The following SLC24A3 variants were observed in gnomAD, a reference collection of about 807,000 sequenced individuals.
The protein encoded by SLC24A3 is solute carrier family 24 member 3.
SLC24A3 carries 28 observed loss-of-function variants against 75.8 expected under a neutral mutation model. That is an observed-to-expected ratio of 0.37 (90% CI 0.27 to 0.51). SLC24A3 has a LOEUF of 0.51. Ranked by LOEUF, SLC24A3 falls within the 20% of genes least tolerant of loss-of-function variation. SLC24A3 has a pLI of 0.94. For missense variants in SLC24A3, 663 were observed against 847.8 expected (o/e 0.78, Z 2.71); for synonymous variants, 372 against 334.1 (o/e 1.11, Z -1.24).
At chr20:19,448,338 G>C (rs1053534869) in intron 2 of SLC24A3, among the ~76,000 whole-genome samples, 4 of 152,214 alleles carry the variant, frequency 2.6e-5, no homozygotes, top group Non-Finnish European at 5.9e-5. Context: ...TGCATACTCT[G>C]TCTTTTAATT....
rs2032836447 is a variant in SLC24A3 at position 19,698,506 on chromosome 20, A to G, written c.1607-62A>G. On this transcript the variant is annotated intron_variant, in intron 14 of 16. Coordinates refer to ENST00000328041, the MANE Select transcript of SLC24A3 (RefSeq NM_020689.4). ...CTGGCTGTGAGACTAAAGGCTTGGG[A>G]GAGTCCTGTGTGGGGCCCCTGGGTT... 5 of 1,193,824 alleles carry G rather than the reference A, an allele frequency of 4.2e-6. No homozygotes were observed. In the East Asian group the frequency reaches 1.3e-4, roughly 31 times the overall value. 74.0% of individuals were successfully genotyped at this position (1,193,824 alleles called of 1,614,324 possible). A position where few individuals can be genotyped will look rare whatever the true frequency, so the allele number is the denominator to read the frequency against.
At chr20:19,308,217 A>G (rs1984375958) in intron 2 of SLC24A3, among the ~76,000 whole-genome samples, 1 of 152,194 alleles carries the variant, frequency 6.6e-6, no homozygotes, top group Non-Finnish European at 1.5e-5. Flanking sequence ...CGGACTCATA[A>G]AGCAATGCTT....
chr20:19,423,793 C>T (rs890102625), intron 2 of SLC24A3, among the ~76,000 whole-genome samples: 5 of 152,124 alleles, frequency 3.3e-5, no homozygotes, highest in Non-Finnish European at 5.9e-5. Flanking sequence ...GGATTTGAAG[C>T]CAGGTCTTCC....
chr20:19,261,321 T>C (rs950031694), intron 1 of SLC24A3, among the ~76,000 whole-genome samples: 3 of 152,078 alleles, frequency 2.0e-5, no homozygotes, highest in Non-Finnish European at 4.4e-5. Context: ...GTGGTGAGCA[T>C]TCATTGTCCC....
intron 10 of SLC24A3, 143 bp downstream of exon 10, chr20:19,682,134 A>G: frequency 1.1e-6 from 1 of 939,404 alleles, no homozygotes; most frequent in Non-Finnish European, 1.6e-6. Flanking sequence ...CCAAGCCTGT[A>G]ATCCCAGCTG....
chr20:19,513,307 A>G (rs753142378), intron 2 of SLC24A3, among the ~76,000 whole-genome samples: 2 of 152,282 alleles, frequency 1.3e-5, no homozygotes, highest in Non-Finnish European at 2.9e-5. Context: ...CCCTTCTCCC[A>G]CTTTCCAGCC....
At chr20:19,693,087 C>A (rs1181494235) in intron 12 of SLC24A3, 172 bp from the exon 13 acceptor site, 3 of 668,470 alleles carry the variant, frequency 4.5e-6, no homozygotes, top group African/African-American at 1.8e-5. Flanking sequence ...TGTTGCATGT[C>A]AGGTTTCGTT....
chr20:19,637,542 T>C (rs1253085728), intron 6 of SLC24A3, among the ~76,000 whole-genome samples: 2 of 152,360 alleles, frequency 1.3e-5, no homozygotes, highest in Admixed American at 6.5e-5. Flanking sequence ...AAATATTATG[T>C]TCCTAGCACA....
intron 3 of SLC24A3, among the ~76,000 whole-genome samples, chr20:19,517,350 T>C (rs1373637282): frequency 6.6e-6 from 1 of 152,180 alleles, no homozygotes; most frequent in Non-Finnish European, 1.5e-5. Flanking sequence ...TGCAGCTGCA[T>C]GGTCCTTTCT....
chr20:19,641,131 C>T (rs1000704860), intron 6 of SLC24A3, among the ~76,000 whole-genome samples: 1 of 152,194 alleles, frequency 6.6e-6, no homozygotes, highest in African/African-American at 2.4e-5. Flanking sequence ...TGGCTTCTGC[C>T]TGTTCTCTTG....
At chr20:19,525,894 A>G (rs373991648) in intron 3 of SLC24A3, among the ~76,000 whole-genome samples, 2 of 152,070 alleles carry the variant, frequency 1.3e-5, no homozygotes, top group Non-Finnish European at 2.9e-5. Flanking sequence ...GAGGATTCAC[A>G]TGCCTCACGA....
At chr20:19,262,404 CAAAAAAAAAAAA>C (rs58691860) in intron 1 of SLC24A3, among the ~76,000 whole-genome samples, 1 of 75,756 alleles carries the variant, frequency 1.3e-5, no homozygotes, top group Non-Finnish European at 2.5e-5. Context: ...GACTCCGTCT[CAAAAAAAAAAAA>C]AAAAAAAAAA....
At chr20:19,218,677 C>T (rs1600379387) in intron 1 of SLC24A3, among the ~76,000 whole-genome samples, 1 of 151,808 alleles carries the variant, frequency 6.6e-6, no homozygotes. Flanking sequence ...TTGCAAGCCT[C>T]AAATCCTTGT....
intron 2 of SLC24A3, among the ~76,000 whole-genome samples, chr20:19,394,129 G>A (rs1986410454): frequency 1.3e-5 from 2 of 152,180 alleles, no homozygotes; most frequent in Admixed American, 6.5e-5. Context: ...TTCAACAAAT[G>A]TTTCTGGGTA....
chr20:19,343,835 A>G lies in SLC24A3; in HGVS notation c.271+62748A>G, dbSNP rs185809918. On this transcript the variant is annotated intron_variant, in intron 2 of 16. Coordinates refer to ENST00000328041, the MANE Select transcript of SLC24A3 (RefSeq NM_020689.4). ...GGACCAGTTGGTAGGCGTCTCACTC[A>G]TAAAAAGGAAAAGGGGACTAGGACA... is the stretch of plus-strand genomic sequence containing the variant. Among the ~76,000 whole-genome samples the G allele has an allele frequency of 8.6e-4, 131 of 152,348 alleles. 1 individual carries two copies. The highest frequency in any genetic ancestry group is 3.0e-3 in the African/African-American group (126 of 41,580).
chr20:19,524,371 G>A (rs559711187), intron 3 of SLC24A3, among the ~76,000 whole-genome samples: 4 of 152,206 alleles, frequency 2.6e-5, no homozygotes, highest in Non-Finnish European at 4.4e-5. Context: ...AACTCTGGCC[G>A]GAGTTGACCT....
intron 3 of SLC24A3, among the ~76,000 whole-genome samples, chr20:19,533,943 G>A (rs546970818): frequency 7.2e-5 from 11 of 152,330 alleles, no homozygotes; most frequent in Admixed American, 2.0e-4. Context: ...GCCCTGTCCT[G>A]GTTCTTCATT....
intron 7 of SLC24A3, among the ~76,000 whole-genome samples, chr20:19,658,785 T>G (rs1184446106): frequency 6.6e-6 from 1 of 152,142 alleles, no homozygotes; most frequent in Non-Finnish European, 1.5e-5. Flanking sequence ...TTTAGAGCCC[T>G]TCCTTGTGCC....
At chr20:19,282,668 A>G (rs1983697355) in intron 2 of SLC24A3, among the ~76,000 whole-genome samples, 1 of 152,258 alleles carries the variant, frequency 6.6e-6, no homozygotes, top group South Asian at 2.1e-4. Flanking sequence ...AGTATTAGAA[A>G]GCCCAGGTAT....
Sources: allele counts gnomAD v4.1 joint callset (sites outside exome capture counted in the v4.1 genomes callset), GRCh38; gene constraint gnomAD v4.1.1; transcripts MANE v1.5; gene names NCBI Gene and HGNC (gene_info 2026-07-23, HGNC 2026-07-21).